The following WDR27 variants were observed in gnomAD, a reference collection of about 807,000 sequenced individuals.
WDR27 encodes WD repeat-containing protein 27.
In WDR27, 100 loss-of-function variants were observed where a neutral mutation model predicts 114.4. The observed-to-expected ratio is 0.87, with a 90% CI of 0.74 to 1.03. WDR27 has a LOEUF of 1.03. Among genes scored for constraint, WDR27 ranks in the 50% least tolerant of loss-of-function variants. The probability of loss-of-function intolerance (pLI) is 0.00; values close to 1 mark genes in which losing one functional copy is unlikely to be tolerated. For missense variants in WDR27, 1,129 were observed against 1,092.9 expected (o/e 1.03, Z -0.47); for synonymous variants, 449 against 423.1 (o/e 1.06, Z -0.75).
intron 14 of WDR27, among the ~76,000 whole-genome samples, chr6:169,651,667 G>T (rs1002049766): frequency 6.6e-6 from 1 of 152,098 alleles, no homozygotes; most frequent in African/African-American, 2.4e-5. Context: ...CACCTCCCGG[G>T]ACCACCACGT....
At chr6:169,578,383 A>G (rs918263434) in intron 24 of WDR27, among the ~76,000 whole-genome samples, 2 of 152,238 alleles carry the variant, frequency 1.3e-5, no homozygotes, top group African/African-American at 4.8e-5. Context: ...GCGTGGAAGC[A>G]CTTGCAAACA....
Position 169,630,787 on chromosome 6 carries a change from G to A in WDR27, c.2223+2160C>T, listed in dbSNP as rs6912419. The stretch of plus-strand genomic sequence containing the variant: ...CACGCGCCTGTAATCCCAGCTACTC[G>A]GGAGCCTGAGGCAGGAGAGTCATTG... On this transcript the variant is annotated intron_variant, in intron 21 of 25. Transcript: ENST00000448612. Among the ~76,000 whole-genome samples, 959 of 152,154 alleles carry A rather than the reference G, an allele frequency of 6.3e-3. 7 individuals carry two copies. Among genetic ancestry groups the A allele is most frequent in the African/African-American group, 0.021 (885 of 41,512 alleles).
intron 25 of WDR27, among the ~76,000 whole-genome samples, chr6:169,528,375 C>T (rs944541197): frequency 6.6e-6 from 1 of 152,042 alleles, no homozygotes; most frequent in African/African-American, 2.4e-5. Context: ...CAACTGAAAC[C>T]CTTTCTGATC....
intron 10 of WDR27, 144 bp downstream of exon 10, chr6:169,660,519 C>T: frequency 1.4e-6 from 1 of 700,552 alleles, no homozygotes; most frequent in Non-Finnish European, 2.5e-6. Context: ...CAGAGGTGCT[C>T]ACGTGCTCAA....
chr6:169,672,423 C>A (rs774133135), intron 2 of WDR27, 27 bp from the exon 3 acceptor site: 3 of 1,555,652 alleles, frequency 1.9e-6, no homozygotes, highest in Non-Finnish European at 2.6e-6. Context: ...AAATAAAACA[C>A]AGATCACAGA....
intron 21 of WDR27, among the ~76,000 whole-genome samples, chr6:169,629,307 A>C (rs1245730022): frequency 2.0e-5 from 3 of 152,212 alleles, no homozygotes; most frequent in Non-Finnish European, 4.4e-5. Context: ...ATTTTTAAAA[A>C]TTTGGGAACT....
At chr6:169,503,693 G>C (rs1562503719) in intron 25 of WDR27, among the ~76,000 whole-genome samples, 1 of 152,118 alleles carries the variant, frequency 6.6e-6, no homozygotes, top group Non-Finnish European at 1.5e-5. Context: ...TCTGATTTCT[G>C]CTGTAATTTC....
At chr6:169,535,126 A>G (rs1411133928) in intron 25 of WDR27, among the ~76,000 whole-genome samples, 1 of 152,132 alleles carries the variant, frequency 6.6e-6, no homozygotes, top group African/African-American at 2.4e-5. Context: ...CAAGCACGTA[A>G]TTTTCAATTA....
intron 25 of WDR27, among the ~76,000 whole-genome samples, chr6:169,512,503 T>C (rs975815841): frequency 2.6e-5 from 4 of 152,202 alleles, no homozygotes; most frequent in African/African-American, 9.7e-5. Context: ...ATTTGTAATG[T>C]TAATTCATTT....
intron 25 of WDR27, among the ~76,000 whole-genome samples, chr6:169,514,505 A>AT (rs534387288): frequency 7.1e-6 from 1 of 140,506 alleles, no homozygotes; most frequent in East Asian, 2.0e-4. Context: ...TATAATATGT[A>AT]TTTTTTCCCC....
intron 18 of WDR27, among the ~76,000 whole-genome samples, chr6:169,636,830 G>A (rs1199592895): frequency 6.6e-6 from 1 of 152,168 alleles, no homozygotes; most frequent in African/African-American, 2.4e-5. Flanking sequence ...ACAGTTCTGA[G>A]GTGTCTGCTC....
chr6:169,541,875 C>A (rs1796890597), intron 25 of WDR27, among the ~76,000 whole-genome samples: 1 of 152,138 alleles, frequency 6.6e-6, no homozygotes, highest in Non-Finnish European at 1.5e-5. Flanking sequence ...TAATTATTTT[C>A]TTAATGAATG....
intron 21 of WDR27, among the ~76,000 whole-genome samples, chr6:169,618,867 G>A (rs1261573148): frequency 6.6e-6 from 1 of 152,004 alleles, no homozygotes; most frequent in Non-Finnish European, 1.5e-5. Flanking sequence ...AAAAATGTAA[G>A]ATAAGTTTTT....
intron 25 of WDR27, among the ~76,000 whole-genome samples, chr6:169,525,186 TATC>T (rs1050903746): frequency 1.8e-4 from 28 of 152,270 alleles, no homozygotes; most frequent in African/African-American, 6.7e-4. Flanking sequence ...CAATATCACT[TATC>T]ATCAGATAAA....
chr6:169,690,741 C>T (rs968508655), intron 1 of WDR27, among the ~76,000 whole-genome samples: 3 of 152,202 alleles, frequency 2.0e-5, no homozygotes, highest in Non-Finnish European at 2.9e-5. Flanking sequence ...CCTTCCGCTG[C>T]CTGCCTCCCA....
At chr6:169,639,904 G>T (rs1818735896) in intron 17 of WDR27, among the ~76,000 whole-genome samples, 5 of 152,148 alleles carry the variant, frequency 3.3e-5, no homozygotes, top group Admixed American at 3.3e-4. Context: ...AGACGACCAG[G>T]GATGCGCTTC....
the WDR27 span, among the ~76,000 whole-genome samples, chr6:169,444,634 G>A: frequency 6.6e-6 from 1 of 151,788 alleles, no homozygotes; most frequent in Non-Finnish European, 1.5e-5. Flanking sequence ...GTTGACTTAT[G>A]AGCCAGTCCT....
At chr6:169,579,833 AC>A (rs1803081933) in intron 24 of WDR27, among the ~76,000 whole-genome samples, 1 of 152,086 alleles carries the variant, frequency 6.6e-6, no homozygotes, top group Admixed American at 6.5e-5. Flanking sequence ...GCTCGAAAAA[AC>A]CTGCTCTTTC....
chr6:169,663,352 T>C (rs6930570), intron 8 of WDR27, among the ~76,000 whole-genome samples: 9,635 of 150,496 alleles, frequency 0.064, 575 homozygotes, highest in East Asian at 0.18. Context: ...TTTAAAGTCA[T>C]CTACAAAAAA....
Sources: gnomAD v4.1 joint callset for allele counts (sites outside exome capture counted in the v4.1 genomes callset) on GRCh38, gnomAD v4.1.1 for gene constraint, MANE v1.5 for transcripts, NCBI Gene and HGNC (gene_info 2026-07-23, HGNC 2026-07-21) for gene names.